ABLIM1: variants seen among roughly 807,000 people sequenced by gnomAD.
The protein encoded by ABLIM1 is actin-binding LIM protein 1.
A neutral mutation model predicts 107.0 loss-of-function variants in ABLIM1; 40 were observed. The ratio of observed to expected loss-of-function variants is 0.37; its 90% CI spans 0.29 to 0.49. The LOEUF (loss-of-function observed/expected upper bound fraction) is 0.49. ABLIM1 is among the 20% of genes least tolerant of loss of function. The pLI is 0.97. For missense variants in ABLIM1, 857 were observed against 1,008.5 expected, an observed-to-expected ratio of 0.85 and a Z score of 2.04; for synonymous variants, 357 against 357.3, an observed-to-expected ratio of 1.00 and a Z score of 0.01.
intron 1 of ABLIM1, among the ~76,000 whole-genome samples, chr10:114,677,758 G>A (rs899005152): frequency 1.3e-5 from 2 of 152,172 alleles, no homozygotes; most frequent in African/African-American, 4.8e-5. Context: ...CTGGGCAACA[G>A]CCAGACTCTG....
chr10:114,544,669 G>A (rs1224880337), intron 6 of ABLIM1, among the ~76,000 whole-genome samples: 4 of 152,066 alleles, frequency 2.6e-5, no homozygotes, highest in Non-Finnish European at 5.9e-5. Flanking sequence ...ATGCACACAT[G>A]GATGTATACA....
At chr10:114,782,189 A>G in the ABLIM1 span, among the ~76,000 whole-genome samples, 1 of 152,148 alleles carries the variant, frequency 6.6e-6, no homozygotes, top group Non-Finnish European at 1.5e-5. Flanking sequence ...AGTAGCAAAA[A>G]AAATTCTGAT....
the ABLIM1 span, among the ~76,000 whole-genome samples, chr10:114,787,805 G>T: frequency 6.9e-6 from 1 of 144,342 alleles, no homozygotes; most frequent in Non-Finnish European, 1.5e-5. Flanking sequence ...CCCTCTGCCC[G>T]GCCACGACCC....
At chr10:114,751,893 G>A (rs182499641) in intron 1 of ABLIM1, among the ~76,000 whole-genome samples, 106 of 152,078 alleles carry the variant, frequency 7.0e-4, no homozygotes, top group African/African-American at 2.1e-3. Flanking sequence ...CAAATCCATC[G>A]CAAGCTACTT....
intron 6 of ABLIM1, among the ~76,000 whole-genome samples, chr10:114,506,531 G>C (rs1302576085): frequency 6.6e-6 from 1 of 151,980 alleles, no homozygotes; most frequent in Non-Finnish European, 1.5e-5. Context: ...TCTGTTTTCT[G>C]GCTTTTTAAT....
chr10:114,516,825 CTTCCTCTGT>C (rs1295360244), intron 6 of ABLIM1, among the ~76,000 whole-genome samples: 3 of 152,226 alleles, frequency 2.0e-5, no homozygotes, highest in Admixed American at 6.5e-5. Flanking sequence ...GCACATTTTT[CTTCCTCTGT>C]TTCCTTTCAG....
the ABLIM1 span, among the ~76,000 whole-genome samples, chr10:114,788,142 A>G: frequency 2.0e-5 from 3 of 151,618 alleles, no homozygotes; most frequent in Non-Finnish European, 4.4e-5. Flanking sequence ...CATGCTCGTT[A>G]AGAGTCATCA....
At chr10:114,679,059 AAGAAGTGAC>A (rs2080621044) in intron 1 of ABLIM1, among the ~76,000 whole-genome samples, 1 of 152,196 alleles carries the variant, frequency 6.6e-6, no homozygotes, top group Non-Finnish European at 1.5e-5. Flanking sequence ...TTATAGAATA[AAGAAGTGAC>A]AGTGTGCCAG....
chr10:114,670,317 C>A (rs1441417409), intron 1 of ABLIM1, among the ~76,000 whole-genome samples: 1 of 152,164 alleles, frequency 6.6e-6, no homozygotes, highest in Non-Finnish European at 1.5e-5. Context: ...ACTTGATTTA[C>A]AATTCCCTGA....
In ABLIM1 at chr10:114,547,717, G is replaced by C. The variant is rs749547761; in HGVS notation, c.733C>G (p.Gln245Glu). ...CATTTAAAGCACCCCAAGTGCCACT[G>C]CTTATCCAGCGCCAGCAGCGCCTGC... ...NGQALLALDKQWHLGCFKCKS... is the reference protein window; with the variant it reads ...NGQALLALDKEWHLGCFKCKS... The change falls in exon 5 of 23, where the codon CAG (glutamine) becomes GAG (glutamate). Residue 245 changes from glutamine to glutamate, a missense_variant. Gln to Glu is a conservative substitution (Grantham distance 29, BLOSUM62 2). Around this residue, in one of 5 missense-constraint regions of ABLIM1, gnomAD observed 381 missense variants for 506.9 expected, o/e 0.75. Transcript: ENST00000533213. 1 of 1,613,406 alleles carries C rather than the reference G, an allele frequency of 6.2e-7. No homozygotes were observed. The highest frequency in any genetic ancestry group is 1.3e-5 in the African/African-American group (1 of 75,046).
chr10:114,524,602 AC>A (rs889795143), intron 6 of ABLIM1, among the ~76,000 whole-genome samples: 5 of 152,008 alleles, frequency 3.3e-5, no homozygotes, highest in African/African-American at 1.2e-4. Flanking sequence ...ACAACAAAAA[AC>A]TCTATATTTA....
At chr10:114,793,409 AG>A in the ABLIM1 span, among the ~76,000 whole-genome samples, 7 of 152,004 alleles carry the variant, frequency 4.6e-5, no homozygotes, top group South Asian at 4.2e-4. Flanking sequence ...AAGTTTCCTG[AG>A]GCCTCCCCAC....
chr10:114,590,590 C>T (rs1045410125), intron 2 of ABLIM1, among the ~76,000 whole-genome samples: 2 of 152,104 alleles, frequency 1.3e-5, no homozygotes, highest in Admixed American at 1.3e-4. Context: ...TAAGGAGAAA[C>T]CCAGGGTTTT....
intron 8 of ABLIM1, among the ~76,000 whole-genome samples, chr10:114,484,953 T>G (rs7068303): frequency 0.025 from 3,860 of 152,322 alleles, 160 homozygotes; most frequent in African/African-American, 0.088. Flanking sequence ...TTTATCATCT[T>G]TTCTTGCCTA....
At chr10:114,644,890 C>T (rs1445394125) in intron 1 of ABLIM1, among the ~76,000 whole-genome samples, 1 of 152,160 alleles carries the variant, frequency 6.6e-6, no homozygotes, top group Non-Finnish European at 1.5e-5. Flanking sequence ...GAGAATAGGG[C>T]CTCCCCTCAA....
rs149189971 is a variant in ABLIM1 at position 114,490,947 on chromosome 10, G to A, written c.982+844C>T. ...GCCTCCCTGAGAGCTGGGATTACAG[G>A]TGTGAGCCACCACGCCCGGCATATA... On this transcript the variant is annotated intron_variant, in intron 7 of 22. Coordinates refer to ENST00000533213, the MANE Select transcript of ABLIM1 (RefSeq NM_002313.7). Among the ~76,000 whole-genome samples, 1,437 of 147,802 alleles carry A rather than the reference G, an allele frequency of 9.7e-3. 15 individuals are homozygous for A. Among genetic ancestry groups the A allele is most frequent in the Non-Finnish European group, 0.016 (1,068 of 67,382 alleles).
intron 1 of ABLIM1, among the ~76,000 whole-genome samples, chr10:114,753,409 C>G (rs1445174990): frequency 1.3e-5 from 2 of 152,182 alleles, no homozygotes; most frequent in Non-Finnish European, 2.9e-5. Context: ...GATATATACA[C>G]AAAGACATTC....
chr10:114,744,649 G>A (rs1406882493), intron 1 of ABLIM1, among the ~76,000 whole-genome samples: 1 of 152,074 alleles, frequency 6.6e-6, no homozygotes, highest in Admixed American at 6.5e-5. Flanking sequence ...CTGTCTCAAA[G>A]AAAATAAATA....
At chr10:114,481,291 C>G (rs570214028) in intron 8 of ABLIM1, among the ~76,000 whole-genome samples, 2 of 151,928 alleles carry the variant, frequency 1.3e-5, no homozygotes, top group African/African-American at 4.8e-5. Context: ...GCCCTCCCCC[C>G]ATTCAGCAGG....
Sources: gnomAD v4.1 joint callset for allele counts (sites outside exome capture counted in the v4.1 genomes callset) on GRCh38, gnomAD v4.1.1 for gene constraint, gnomAD v4.1.1 regional missense constraint, MANE v1.5 for transcripts, NCBI Gene and HGNC (gene_info 2026-07-23, HGNC 2026-07-21) for gene names.